TLN2: variants seen among roughly 807,000 people sequenced by gnomAD.
TLN2 encodes talin-2.
TLN2 carries 118 observed loss-of-function variants against 294.7 expected under a neutral mutation model. The ratio of observed to expected loss-of-function variants is 0.40; its 90% confidence interval spans 0.34 to 0.47. The LOEUF is 0.47. Ranked by LOEUF, TLN2 falls within the 20% of genes least tolerant of loss-of-function variation. TLN2 has a pLI of 0.84. For missense variants in TLN2, 3,083 were observed against 3,282.2 expected (o/e 0.94, Z 1.48); for synonymous variants, 1,431 against 1,304.5 (o/e 1.10, Z -2.09).
intron 2 of TLN2, among the ~76,000 whole-genome samples, chr15:62,592,692 A>T (rs1287187046): frequency 6.6e-6 from 1 of 152,266 alleles, no homozygotes; most frequent in Non-Finnish European, 1.5e-5. Flanking sequence ...GTAACCAATC[A>T]ATCATGCTCT....
intron 1 of TLN2, among the ~76,000 whole-genome samples, chr15:62,565,910 C>CTT (rs2043352502): frequency 6.7e-6 from 1 of 148,388 alleles, no homozygotes; most frequent in Admixed American, 6.7e-5. Flanking sequence ...TGTTTACTAG[C>CTT]TGTGTGTGTG....
At chr15:62,559,176 C>G (rs1321536853) in intron 1 of TLN2, among the ~76,000 whole-genome samples, 1 of 152,214 alleles carries the variant, frequency 6.6e-6, no homozygotes, top group African/African-American at 2.4e-5. Context: ...TCTTGACTCT[C>G]AGTGTGCAGG....
intron 1 of TLN2, among the ~76,000 whole-genome samples, chr15:62,564,065 T>A (rs2043188486): frequency 6.6e-6 from 1 of 152,216 alleles, no homozygotes; most frequent in Non-Finnish European, 1.5e-5. Flanking sequence ...AATGAGTTTT[T>A]AAAAACTTAC....
chr15:62,588,102 G>A (rs1267082936), intron 1 of TLN2, among the ~76,000 whole-genome samples: 4 of 151,984 alleles, frequency 2.6e-5, no homozygotes, highest in African/African-American at 7.2e-5. Flanking sequence ...GGATGGTCTC[G>A]ATATCCTGAC....
intron 1 of TLN2, among the ~76,000 whole-genome samples, chr15:62,411,071 A>C (rs940384350): frequency 6.6e-6 from 1 of 152,192 alleles, no homozygotes; most frequent in Non-Finnish European, 1.5e-5. Flanking sequence ...TACCAAGTGC[A>C]TGGTGGATAC....
At chr15:62,823,949 G>T (rs1160903264) in intron 54 of TLN2, 3 of 528,806 alleles carry the variant, frequency 5.7e-6, no homozygotes. Flanking sequence ...AAACCTGGAT[G>T]CCTTTTCTGC....
At chr15:62,434,879 A>G (rs978777375) in intron 1 of TLN2, among the ~76,000 whole-genome samples, 1 of 152,206 alleles carries the variant, frequency 6.6e-6, no homozygotes, top group East Asian at 1.9e-4. Flanking sequence ...TCACCTAGGT[A>G]TTAAGCCCAG....
chr15:62,712,994 C>T (rs1350024299), intron 22 of TLN2, among the ~76,000 whole-genome samples: 4 of 152,016 alleles, frequency 2.6e-5, no homozygotes, highest in East Asian at 3.9e-4. Flanking sequence ...AGGCCAGGCA[C>T]GGTGGCTCAC....
At chr15:62,543,178 T>C (rs922727692) in intron 1 of TLN2, among the ~76,000 whole-genome samples, 1 of 152,204 alleles carries the variant, frequency 6.6e-6, no homozygotes, top group African/African-American at 2.4e-5. Flanking sequence ...TAGCAGTGTT[T>C]AATAGCTTCT....
At chr15:62,435,522 G>C (rs919447399) in intron 1 of TLN2, among the ~76,000 whole-genome samples, 1 of 151,966 alleles carries the variant, frequency 6.6e-6, no homozygotes, top group Non-Finnish European at 1.5e-5. Flanking sequence ...TTATTGATTT[G>C]TATTTGATTT....
intron 11 of TLN2, 136 bp downstream of exon 11, chr15:62,675,457 C>G (rs2056074003): frequency 1.3e-6 from 1 of 780,436 alleles, no homozygotes; most frequent in South Asian, 1.8e-5. Context: ...TAGTGCTGAC[C>G]TGCGTTTAGC....
intron 11 of TLN2, among the ~76,000 whole-genome samples, chr15:62,686,417 G>T (rs1409634264): frequency 6.6e-6 from 1 of 151,968 alleles, no homozygotes; most frequent in African/African-American, 2.4e-5. Context: ...TGAACAGGGG[G>T]CATGATTTTG....
At chr15:62,639,126 G>C (rs7169756) in intron 3 of TLN2, among the ~76,000 whole-genome samples, 3,145 of 152,234 alleles carry the variant, frequency 0.021, 118 homozygotes, top group African/African-American at 0.072. Context: ...ACTGTGATAG[G>C]CCTTGAAATA....
chr15:62,453,388 T>G (rs1456083863), intron 1 of TLN2, among the ~76,000 whole-genome samples: 1 of 152,160 alleles, frequency 6.6e-6, no homozygotes. Context: ...GAATATGATC[T>G]GCACATGGCA....
chr15:62,803,952 G>A (rs752507541), intron 50 of TLN2, among the ~76,000 whole-genome samples: 52 of 152,148 alleles, frequency 3.4e-4, no homozygotes, highest in Non-Finnish European at 6.3e-4. Flanking sequence ...CCAGGTACTC[G>A]AAAGGACTTG....
chr15:62,543,787 C>T (rs927630275), intron 1 of TLN2, among the ~76,000 whole-genome samples: 10 of 151,080 alleles, frequency 6.6e-5, no homozygotes, highest in African/African-American at 1.7e-4. Context: ...CTCTAATACA[C>T]GCCTGGCTCT....
At chr15:62,800,273 C>T in intron 48 of TLN2, 95 bp from the exon 49 acceptor site, 4 of 1,532,286 alleles carry the variant, frequency 2.6e-6, no homozygotes, top group Non-Finnish European at 3.5e-6. Context: ...TCTCTCCTCC[C>T]CCGTGCCCTG....
intron 46 of TLN2, among the ~76,000 whole-genome samples, chr15:62,794,539 C>T (rs866730670): frequency 2.0e-5 from 3 of 152,200 alleles, no homozygotes; most frequent in Non-Finnish European, 2.9e-5. Flanking sequence ...GCAGGCTTCC[C>T]GTGATACTTG....
intron 1 of TLN2, among the ~76,000 whole-genome samples, chr15:62,506,437 A>G (rs1343786299): frequency 1.3e-5 from 2 of 152,230 alleles, no homozygotes; most frequent in African/African-American, 2.4e-5. Context: ...AGGTAGTCAC[A>G]TGGGTGGTAT....
Sources: allele counts gnomAD v4.1 joint callset (sites outside exome capture counted in the v4.1 genomes callset), GRCh38; gene constraint gnomAD v4.1.1; transcripts MANE v1.5; gene names NCBI Gene and HGNC (gene_info 2026-07-23, HGNC 2026-07-21).